Variants in UBQLN1 observed in about 807,000 individuals in gnomAD.
The protein encoded by UBQLN1 is ubiquilin-1.
Under a neutral mutation model 65.4 loss-of-function variants are expected in UBQLN1, and 13 were observed. That is an observed-to-expected ratio of 0.20 (90% CI 0.13 to 0.32). The LOEUF (loss-of-function observed/expected upper bound fraction) is 0.32. UBQLN1 is among the 10% of genes least tolerant of loss of function. The pLI is 1.00. For missense variants in UBQLN1, 561 were observed against 724.0 expected (o/e 0.77, Z 2.58); for synonymous variants, 267 against 247.8 (o/e 1.08, Z -0.73).
At chr9:83,680,768 A>G (rs1564165745) in intron 3 of UBQLN1, among the ~76,000 whole-genome samples, 1 of 152,204 alleles carries the variant, frequency 6.6e-6, no homozygotes, top group Non-Finnish European at 1.5e-5. Flanking sequence ...CCATTCTAGC[A>G]ATTATTGAAC....
Position 83,679,912 on chromosome 9 carries a change from T to C in UBQLN1, c.574A>G (p.Asn192Asp). 1 of 1,614,158 alleles carries C rather than the reference T, an allele frequency of 6.2e-7. No homozygotes were observed. Among genetic ancestry groups the C allele is most frequent in the Non-Finnish European group, 8.5e-7 (1 of 1,180,020 alleles). ...NPEMMVQIME[N>D]PFVQSMLSNP... is the part of the protein sequence containing the mutation. ...GAGAGCATGCTCTGAACAAAGGGAT[T>C]TTCCATGATCTGGACCATCATTTCA... is the stretch of plus-strand genomic sequence containing the variant. Residue 192 changes from asparagine to aspartate, a missense_variant, in exon 4 of 11, where the codon AAT (asparagine) becomes GAT (aspartate). Coordinates refer to ENST00000376395, the MANE Select transcript of UBQLN1 (RefSeq NM_013438.5).
chr9:83,693,726 G>T (rs539883890), intron 1 of UBQLN1, among the ~76,000 whole-genome samples: 3 of 152,116 alleles, frequency 2.0e-5, no homozygotes, highest in African/African-American at 4.8e-5. Context: ...AATTGTTTTT[G>T]AGAAGAAAAT....
intron 3 of UBQLN1, among the ~76,000 whole-genome samples, chr9:83,680,357 C>T (rs1345400372): frequency 6.6e-6 from 1 of 151,942 alleles, no homozygotes; most frequent in East Asian, 1.9e-4. Flanking sequence ...ACAGGAGTAT[C>T]TTTTATTATT....
chr9:83,693,028 C>T (rs1832154243), intron 1 of UBQLN1, among the ~76,000 whole-genome samples: 1 of 152,102 alleles, frequency 6.6e-6, no homozygotes, highest in African/African-American at 2.4e-5. Context: ...ATAGAACGGG[C>T]CTCAAAGTAT....
intron 5 of UBQLN1, among the ~76,000 whole-genome samples, chr9:83,678,224 T>C (rs1368636882): frequency 6.6e-6 from 1 of 152,130 alleles, no homozygotes; most frequent in Non-Finnish European, 1.5e-5. Context: ...GATTTCACCG[T>C]ATTAGCCAGG....
At chr9:83,675,841 C>A (rs560304460) in intron 6 of UBQLN1, among the ~76,000 whole-genome samples, 1 of 152,170 alleles carries the variant, frequency 6.6e-6, no homozygotes, top group Non-Finnish European at 1.5e-5. Context: ...GAACACTGAA[C>A]CCCAATTATG....
chr9:83,681,319 C>T (rs1831936496), intron 3 of UBQLN1, among the ~76,000 whole-genome samples: 1 of 152,202 alleles, frequency 6.6e-6, no homozygotes, highest in East Asian at 1.9e-4. Context: ...TTACTGAGCA[C>T]TTTTTATATA....
intron 8 of UBQLN1, 104 bp downstream of exon 8, chr9:83,666,246 T>C: frequency 9.3e-7 from 1 of 1,076,082 alleles, no homozygotes; most frequent in East Asian, 2.4e-5. Context: ...TGGTCTCTAT[T>C]CTATGTTTTG....
chr9:83,683,049 G>A lies in UBQLN1; in HGVS notation c.350C>T (p.Ala117Val), dbSNP rs776028027. 6.2e-7 allele frequency: 1 copy of A among 1,610,980 alleles called. No homozygotes were observed. The highest frequency in any genetic ancestry group is 1.3e-5 in the African/African-American group (1 of 74,954). Residue 117 changes from alanine to valine, a missense_variant, in exon 3 of 11, where the codon GCT becomes GTT. By Grantham distance (64) the Ala-to-Val change is moderately conservative. Around this residue, in one of 8 missense-constraint regions of UBQLN1, gnomAD observed 87 missense variants for 88.8 expected, o/e 0.98. Coordinates refer to ENST00000376395, the MANE Select transcript of UBQLN1 (RefSeq NM_013438.5). ...GCTTCCAGCTGTATTTGTTTGCTGA[G>A]CTGAATGATCCTGAGGCCTAGGGAA... Reference protein sequence around the residue: ...KTQNRPQDHSAQQTNTAGSNV... With the variant: ...KTQNRPQDHSVQQTNTAGSNV...
Position 83,707,529 on chromosome 9 carries a change from C to T in UBQLN1, c.151G>A (p.Ala51Thr). Residue 51 changes from alanine (A) to threonine (T), a missense_variant, in exon 1 of 11, where the codon GCC becomes ACC. This residue lies in a region of UBQLN1 where 101 missense variants were observed against 104.9 expected (regional missense o/e 0.96). Transcript: ENST00000376395. The part of the protein sequence containing the change: ...VKTPKEKEEF[A>T]VPENSSVQQF... Reference sequence around the variant, plus strand: ...TGGACGGAGCTATTCTCGGGCACGGCGAATTCCTCCTTTTCCTTCGGGGTC... The same window carrying T: ...TGGACGGAGCTATTCTCGGGCACGGTGAATTCCTCCTTTTCCTTCGGGGTC... The T allele has an allele frequency of 6.2e-7, 1 of 1,611,376 alleles. No homozygotes were observed. The highest frequency in any genetic ancestry group is 8.5e-7 in the Non-Finnish European group (1 of 1,178,832).
chr9:83,672,376 T>C (rs1831748347), intron 6 of UBQLN1, among the ~76,000 whole-genome samples: 1 of 152,220 alleles, frequency 6.6e-6, no homozygotes, highest in Non-Finnish European at 1.5e-5. Context: ...CCTCCCTCAC[T>C]AAACAAGATT....
chr9:83,664,279 T>A (rs1831607858), intron 9 of UBQLN1, among the ~76,000 whole-genome samples: 5 of 151,932 alleles, frequency 3.3e-5, no homozygotes. Flanking sequence ...ATTAGCTGGG[T>A]GTGCTGGTGC....
At chr9:83,662,954 T>C (rs969702360) in intron 10 of UBQLN1, among the ~76,000 whole-genome samples, 1 of 151,760 alleles carries the variant, frequency 6.6e-6, no homozygotes, top group Non-Finnish European at 1.5e-5. Context: ...TCTGCGCCTG[T>C]AATCCCAGCT....
intron 6 of UBQLN1, among the ~76,000 whole-genome samples, chr9:83,675,381 T>C (rs960428454): frequency 2.6e-5 from 4 of 152,146 alleles, no homozygotes; most frequent in Non-Finnish European, 5.9e-5. Flanking sequence ...GCAGCATTTA[T>C]GTGTGATCAT....
chr9:83,707,946 C>T lies in UBQLN1; in HGVS notation c.-267G>A, dbSNP rs2131198981. 1 of 503,554 alleles carries T rather than the reference C, an allele frequency of 2.0e-6. No homozygotes were observed. 31.2% of individuals were successfully genotyped at this position (503,554 alleles called of 1,614,324 possible). On this transcript the variant is annotated 5_prime_UTR_variant, in exon 1 of 11. Coordinates refer to ENST00000376395, the MANE Select transcript of UBQLN1 (RefSeq NM_013438.5). The stretch of plus-strand genomic sequence containing the variant: ...ACACCGACATCCGCAGCAGCCACCG[C>T]TTCCTCCTCCCTGCCCCTTCCCCCA...
chr9:83,700,572 A>C (rs1832293795), intron 1 of UBQLN1, among the ~76,000 whole-genome samples: 1 of 152,144 alleles, frequency 6.6e-6, no homozygotes, highest in African/African-American at 2.4e-5. Context: ...TGAGAAATCC[A>C]ACAGGGGATC....
intron 6 of UBQLN1, among the ~76,000 whole-genome samples, chr9:83,676,807 T>C (rs1338177681): frequency 6.6e-6 from 1 of 152,210 alleles, no homozygotes; most frequent in Non-Finnish European, 1.5e-5. Context: ...CATGTCTCCA[T>C]TTCTTCCTAC....
intron 9 of UBQLN1, 47 bp downstream of exon 9, chr9:83,664,983 G>C (rs1564159133): frequency 2.0e-6 from 2 of 980,136 alleles, no homozygotes; most frequent in African/African-American, 3.5e-5. Context: ...AATTCTCAGA[G>C]AAAGTAACCA....
chr9:83,698,924 A>G (rs1160157189), intron 1 of UBQLN1, among the ~76,000 whole-genome samples: 2 of 152,072 alleles, frequency 1.3e-5, no homozygotes, highest in East Asian at 1.9e-4. Context: ...AAAAAAAAAA[A>G]AAAAGTAAAT....
Sources: allele counts gnomAD v4.1 joint callset (sites outside exome capture counted in the v4.1 genomes callset), GRCh38; gene constraint gnomAD v4.1.1; regional missense constraint gnomAD v4.1.1; transcripts MANE v1.5; gene names NCBI Gene and HGNC (gene_info 2026-07-23, HGNC 2026-07-21).